Variants in CATSPERT observed in about 807,000 individuals in gnomAD.
CATSPERT encodes the protein cation channel sperm-associated targeting subunit tau.
At chr2:201,543,047 C>T in the CATSPERT span, among the ~76,000 whole-genome samples, 1 of 152,160 alleles carries the variant, frequency 6.6e-6, no homozygotes, top group African/African-American at 2.4e-5. Context: ...AAGCAAAAGT[C>T]TAATTTCAAT....
chr2:201,593,288 G>A, the CATSPERT span, among the ~76,000 whole-genome samples: 384 of 150,878 alleles, frequency 2.5e-3, 2 homozygotes, highest in Non-Finnish European at 4.2e-3. Context: ...GTAGTTGAGC[G>A]GTTTTGAGTG....
the CATSPERT span, among the ~76,000 whole-genome samples, chr2:201,510,395 G>A: frequency 1.3e-5 from 2 of 152,118 alleles, no homozygotes; most frequent in Non-Finnish European, 2.9e-5. Flanking sequence ...AGTGAGCCAA[G>A]GTTGCACCAC....
At chr2:201,533,961 T>C in the CATSPERT span, among the ~76,000 whole-genome samples, 1 of 151,984 alleles carries the variant, frequency 6.6e-6, no homozygotes, top group Non-Finnish European at 1.5e-5. Flanking sequence ...AGAGATTACA[T>C]AGAAAGAGCA....
the CATSPERT span, among the ~76,000 whole-genome samples, chr2:201,490,927 G>T: frequency 6.6e-6 from 1 of 152,072 alleles, no homozygotes; most frequent in Non-Finnish European, 1.5e-5. Context: ...GTTTCACCAT[G>T]TTAGCCAGGA....
chr2:201,576,522 C>T, the CATSPERT span, among the ~76,000 whole-genome samples: 1 of 152,312 alleles, frequency 6.6e-6, no homozygotes, highest in East Asian at 1.9e-4. Flanking sequence ...CCCCATAGGC[C>T]AGTTCGTTAA....
the CATSPERT span, among the ~76,000 whole-genome samples, chr2:201,540,971 G>A: frequency 1.3e-5 from 2 of 152,162 alleles, no homozygotes; most frequent in African/African-American, 4.8e-5. Flanking sequence ...GGAAGCAGTT[G>A]ATTACAACCC....
the CATSPERT span, chr2:201,553,551 A>C: frequency 1.3e-5 from 2 of 152,182 alleles, no homozygotes; most frequent in Admixed American, 1.3e-4. Context: ...TAGGTAACCA[A>C]GTTACCTAAT....
At chr2:201,574,576 T>A in the CATSPERT span, among the ~76,000 whole-genome samples, 1 of 152,178 alleles carries the variant, frequency 6.6e-6, no homozygotes, top group Non-Finnish European at 1.5e-5. Context: ...TACACGTGAT[T>A]CAAACATGTG....
chr2:201,516,868 G>A, the CATSPERT span, among the ~76,000 whole-genome samples: 16 of 151,790 alleles, frequency 1.1e-4, no homozygotes, highest in South Asian at 1.9e-3. Context: ...GACTAGGTGC[G>A]TAGGGAGAGC....
the CATSPERT span, among the ~76,000 whole-genome samples, chr2:201,523,658 T>C: frequency 6.6e-6 from 1 of 151,870 alleles, no homozygotes; most frequent in African/African-American, 2.4e-5. Context: ...AATGCCGAAA[T>C]GACAGACATA....
the CATSPERT span, among the ~76,000 whole-genome samples, chr2:201,597,004 A>G: frequency 6.6e-6 from 1 of 152,152 alleles, no homozygotes; most frequent in East Asian, 1.9e-4. Context: ...GTAATTTTTT[A>G]TTCTATGAAT....
the CATSPERT span, chr2:201,574,065 A>T: frequency 2.0e-6 from 1 of 492,094 alleles, no homozygotes; most frequent in Non-Finnish European, 3.5e-6. Context: ...AGAGAAGCCC[A>T]CATACCTCAA....
chr2:201,583,402 G>A, the CATSPERT span, among the ~76,000 whole-genome samples: 1 of 152,266 alleles, frequency 6.6e-6, no homozygotes, highest in African/African-American at 2.4e-5. Flanking sequence ...ACGGAGTGTT[G>A]GGTCCCTAAT....
At chr2:201,619,066 T>C in the CATSPERT span, 1 of 1,614,166 alleles carries the variant, frequency 6.2e-7, no homozygotes, top group Admixed American at 1.7e-5. Flanking sequence ...GGACAGGACT[T>C]GGACCTGCCC....
the CATSPERT span, among the ~76,000 whole-genome samples, chr2:201,599,375 G>A: frequency 6.6e-6 from 1 of 150,856 alleles, no homozygotes; most frequent in South Asian, 2.1e-4. Context: ...TTTTTAGTTT[G>A]AAATACTAAC....
chr2:201,510,227 T>G, the CATSPERT span, among the ~76,000 whole-genome samples: 1 of 150,490 alleles, frequency 6.6e-6, no homozygotes, highest in Non-Finnish European at 1.5e-5. Context: ...GCTGATCACC[T>G]GAGGTCAGGA....
chr2:201,591,081 T>G, the CATSPERT span, among the ~76,000 whole-genome samples: 1 of 152,368 alleles, frequency 6.6e-6, no homozygotes, highest in African/African-American at 2.4e-5. Flanking sequence ...TGAATGGTAA[T>G]GCCTAGGTTT....
chr2:201,566,736 G>C, the CATSPERT span, among the ~76,000 whole-genome samples: 1 of 152,006 alleles, frequency 6.6e-6, no homozygotes, highest in African/African-American at 2.4e-5. Context: ...GGGATGGCTG[G>C]GTCAAATGGT....
the CATSPERT span, among the ~76,000 whole-genome samples, chr2:201,540,142 A>C: frequency 6.6e-6 from 1 of 152,182 alleles, no homozygotes; most frequent in Non-Finnish European, 1.5e-5. Context: ...GCTGCAGAAG[A>C]AAACCTTGAA....
Sources: allele counts gnomAD v4.1 joint callset (sites outside exome capture counted in the v4.1 genomes callset), GRCh38; gene constraint gnomAD v4.1.1; transcripts MANE v1.5; gene names NCBI Gene and HGNC (gene_info 2026-07-23, HGNC 2026-07-21).